CHST11: variants seen among roughly 807,000 people sequenced by gnomAD.
The protein encoded by CHST11 is C4S-1.
In CHST11, 9 loss-of-function variants were observed where a neutral mutation model predicts 30.4. That is an observed-to-expected ratio of 0.30 (90% CI 0.18 to 0.52). The LOEUF (loss-of-function observed/expected upper bound fraction) is 0.52, where lower values mean the gene tolerates loss of function less well. Ranked by LOEUF, CHST11 falls within the 20% of genes least tolerant of loss-of-function variation. CHST11 has a pLI of 0.97. For missense variants in CHST11, 348 were observed against 460.6 expected (o/e 0.76, Z 2.24); for synonymous variants, 152 against 187.8 (o/e 0.81, Z 1.56).
intron 2 of CHST11, among the ~76,000 whole-genome samples, chr12:104,614,156 A>G (rs1261689552): frequency 6.6e-6 from 1 of 152,220 alleles, no homozygotes; most frequent in African/African-American, 2.4e-5. Context: ...GTTGTATACC[A>G]TGAATATATA....
At chr12:104,546,984 A>T (rs1184019351) in intron 1 of CHST11, among the ~76,000 whole-genome samples, 1 of 152,234 alleles carries the variant, frequency 6.6e-6, no homozygotes, top group African/African-American at 2.4e-5. Flanking sequence ...TCTGATTCTG[A>T]CAGAAACCAA....
intron 1 of CHST11, among the ~76,000 whole-genome samples, chr12:104,586,398 G>A (rs1023089213): frequency 1.3e-5 from 2 of 152,208 alleles, no homozygotes; most frequent in Admixed American, 6.5e-5. Flanking sequence ...TGGGGTTGCT[G>A]GGCACAGTCA....
intron 1 of CHST11, among the ~76,000 whole-genome samples, chr12:104,549,388 G>T (rs538944646): frequency 7.7e-4 from 117 of 152,288 alleles, no homozygotes; most frequent in Non-Finnish European, 1.2e-3. Flanking sequence ...CCTTAATTGG[G>T]ACCATTGTTG....
rs1462552587 is a variant in CHST11 at position 104,600,556 on chromosome 12, A to G, written c.119-1350A>G. 6.6e-6 allele frequency among the ~76,000 whole-genome samples: 1 copy of G among 152,210 alleles called. No individual in the cohort carries two copies. Among genetic ancestry groups the G allele is most frequent in the Non-Finnish European group, 1.5e-5 (1 of 68,038 alleles). On this transcript the variant is annotated intron_variant, in intron 1 of 2. Coordinates refer to ENST00000303694, the MANE Select transcript of CHST11 (RefSeq NM_018413.6). The surrounding 1 kb of genome is among the most constrained non-coding windows in gnomAD (Gnocchi z 4.1). Reference sequence around the variant, plus strand: ...CTTCACATCCAACCCAGGAAGTTAGATGCCCCTGTCATTCCCATTTTACAG... The same window carrying G: ...CTTCACATCCAACCCAGGAAGTTAGGTGCCCCTGTCATTCCCATTTTACAG...
chr12:104,539,467 C>G (rs1255686310), intron 1 of CHST11, among the ~76,000 whole-genome samples: 1 of 152,152 alleles, frequency 6.6e-6, no homozygotes, highest in Non-Finnish European at 1.5e-5. Flanking sequence ...TTGCAAGTGT[C>G]TGTATGGGGA....
At chr12:104,712,844 T>G (rs185223930) in intron 2 of CHST11, among the ~76,000 whole-genome samples, 5 of 152,192 alleles carry the variant, frequency 3.3e-5, no homozygotes, top group Non-Finnish European at 7.3e-5. Flanking sequence ...CCAGTTTGGC[T>G]GGGTAGTTCT....
chr12:104,719,113 C>T (rs117210538), intron 2 of CHST11, among the ~76,000 whole-genome samples: 4 of 152,236 alleles, frequency 2.6e-5, no homozygotes, highest in Non-Finnish European at 2.9e-5. Context: ...GCTGCAGGCG[C>T]GGCCCCCAGG....
intron 1 of CHST11, among the ~76,000 whole-genome samples, chr12:104,502,025 T>C (rs1000621757): frequency 2.9e-5 from 4 of 136,196 alleles, no homozygotes; most frequent in Admixed American, 7.8e-5. Flanking sequence ...TTATTTCTTC[T>C]TTTTTACTTT....
rs2040523064 is a variant in CHST11 at position 104,761,342 on chromosome 12, A to T, written c.*3539A>T. ...GGTCGATTAATCCAGGCTACTAGAA[A>T]GCTCCAGAGCAAAGTGTGCGGGTCC... On this transcript the variant is annotated 3_prime_UTR_variant, in exon 3 of 3. Coordinates refer to ENST00000303694, the MANE Select transcript of CHST11 (RefSeq NM_018413.6). The T allele has an allele frequency of 6.6e-6, 1 of 152,268 alleles. No individual in the cohort carries two copies. The highest frequency in any genetic ancestry group is 6.5e-5 in the Admixed American group (1 of 15,280). The allele number at this position is 152,268 out of a possible 1,614,324, so 9.4% of individuals were successfully genotyped here.
chr12:104,584,534 G>C (rs2038782932), intron 1 of CHST11, among the ~76,000 whole-genome samples: 1 of 152,184 alleles, frequency 6.6e-6, no homozygotes, highest in African/African-American at 2.4e-5. Flanking sequence ...TGGGATTACA[G>C]GCGTGAGCCA....
chr12:104,463,770 G>A (rs998993883), intron 1 of CHST11, among the ~76,000 whole-genome samples: 2 of 152,178 alleles, frequency 1.3e-5, no homozygotes, highest in Non-Finnish European at 2.9e-5. Context: ...ACACCTGCAG[G>A]AAATGAAGGA....
At chr12:104,459,148 T>C (rs951686860) in intron 1 of CHST11, among the ~76,000 whole-genome samples, 2 of 152,234 alleles carry the variant, frequency 1.3e-5, no homozygotes, top group Non-Finnish European at 2.9e-5. Context: ...CAGCGGTGTT[T>C]GTCTCCTCAC....
chr12:104,585,254 T>A (rs1410904419), intron 1 of CHST11, among the ~76,000 whole-genome samples: 1 of 152,208 alleles, frequency 6.6e-6, no homozygotes, highest in South Asian at 2.1e-4. Context: ...CGTACTCACC[T>A]TCAGCAATGC....
chr12:104,731,936 G>A (rs1024839006), intron 2 of CHST11, among the ~76,000 whole-genome samples: 9 of 152,250 alleles, frequency 5.9e-5, no homozygotes, highest in African/African-American at 2.2e-4. Flanking sequence ...CTGCCCCAGG[G>A]GCTGGCAGCC....
At chr12:104,734,205 G>A (rs563816278) in intron 2 of CHST11, among the ~76,000 whole-genome samples, 2 of 152,344 alleles carry the variant, frequency 1.3e-5, no homozygotes, top group African/African-American at 4.8e-5. Context: ...AAGTGGACGT[G>A]CTTTTCTGTT....
intron 1 of CHST11, among the ~76,000 whole-genome samples, chr12:104,574,940 C>A (rs1053736838): frequency 6.6e-6 from 1 of 151,750 alleles, no homozygotes; most frequent in Non-Finnish European, 1.5e-5. Context: ...GCCTGTAATC[C>A]CAGGTCTTTG....
At chr12:104,557,906 G>A (rs2038473248) in intron 1 of CHST11, among the ~76,000 whole-genome samples, 1 of 152,046 alleles carries the variant, frequency 6.6e-6, no homozygotes, top group Non-Finnish European at 1.5e-5. Flanking sequence ...GGTCTGACTT[G>A]GGGGAAGGAA....
intron 1 of CHST11, among the ~76,000 whole-genome samples, chr12:104,580,724 T>A (rs1462901060): frequency 6.6e-6 from 1 of 152,170 alleles, no homozygotes; most frequent in Non-Finnish European, 1.5e-5. Context: ...CTTCTGAGGC[T>A]CCATACTTCA....
chr12:104,501,306 G>A (rs193077031), intron 1 of CHST11, among the ~76,000 whole-genome samples: 155 of 152,312 alleles, frequency 1.0e-3, no homozygotes, highest in Non-Finnish European at 1.7e-3. Flanking sequence ...AGGTTTCAGA[G>A]TGTGTCCTTG....
Sources: allele counts gnomAD v4.1 joint callset (sites outside exome capture counted in the v4.1 genomes callset), GRCh38; gene constraint gnomAD v4.1.1; non-coding constraint Gnocchi (gnomAD v3.1); transcripts MANE v1.5; gene names NCBI Gene and HGNC (gene_info 2026-07-23, HGNC 2026-07-21).